Variants in NEBL observed in about 807,000 individuals in gnomAD.
NEBL encodes the protein nebulette.
Under a neutral mutation model 140.2 loss-of-function variants are expected in NEBL, and 122 were observed. The observed-to-expected ratio is 0.87, with a 90% CI of 0.75 to 1.01. The LOEUF (loss-of-function observed/expected upper bound fraction) is 1.01. Among genes scored for constraint, NEBL ranks in the 50% least tolerant of loss-of-function variants. The pLI, the probability that NEBL is intolerant of heterozygous loss-of-function variation, is 0.00. For missense variants in NEBL, 1,365 were observed against 1,231.3 expected (o/e 1.11, Z -1.62); for synonymous variants, 436 against 398.9 (o/e 1.09, Z -1.11).
chr10:21,261,958 T>C (rs1842743873), intron 1 of NEBL, among the ~76,000 whole-genome samples: 1 of 152,126 alleles, frequency 6.6e-6, no homozygotes, highest in Non-Finnish European at 1.5e-5. Flanking sequence ...TCCACACTGT[T>C]CAGTCCAAGA....
At chr10:20,917,884 T>C (rs1833385022) in intron 4 of NEBL, among the ~76,000 whole-genome samples, 1 of 152,206 alleles carries the variant, frequency 6.6e-6, no homozygotes, top group African/African-American at 2.4e-5. Flanking sequence ...GTTTAGGTCA[T>C]TTAATTGTGT....
chr10:21,116,389 C>A (rs147834097), intron 2 of NEBL, among the ~76,000 whole-genome samples: 1 of 152,060 alleles, frequency 6.6e-6, no homozygotes, highest in Non-Finnish European at 1.5e-5. Context: ...TCTTCTTCTT[C>A]TTATAAAGTT....
chr10:21,185,656 C>A (rs886673497), intron 3 of NEBL, among the ~76,000 whole-genome samples: 1 of 151,788 alleles, frequency 6.6e-6, no homozygotes, highest in African/African-American at 2.4e-5. Context: ...GCCACCACAC[C>A]TGGCTAATTT....
chr10:20,883,214 T>C (rs904814921), intron 4 of NEBL, among the ~76,000 whole-genome samples: 1 of 152,210 alleles, frequency 6.6e-6, no homozygotes, highest in Non-Finnish European at 1.5e-5. Flanking sequence ...CATTTTTCTT[T>C]TGATGGCTAT....
intron 10 of NEBL, 90 bp downstream of exon 10, chr10:20,852,455 C>G (rs375770201): frequency 2.4e-6 from 2 of 826,086 alleles, no homozygotes; most frequent in Admixed American, 3.5e-5. Context: ...TGTACTTTCT[C>G]AGTTAAGACG....
chr10:20,894,929 A>C (rs1387523928), intron 2 of NEBL, among the ~76,000 whole-genome samples: 3 of 134,352 alleles, frequency 2.2e-5, no homozygotes, highest in African/African-American at 9.3e-5. Flanking sequence ...ACTCTGTCTA[A>C]AAAAAAAAAA....
chr10:21,124,701 G>T (rs313789), intron 2 of NEBL, among the ~76,000 whole-genome samples: 54,686 of 152,122 alleles, frequency 0.36, 10,579 homozygotes, highest in African/African-American at 0.51. Context: ...AGCTGGAATC[G>T]CAGCACTTTG....
intron 2 of NEBL, among the ~76,000 whole-genome samples, chr10:21,060,825 T>G (rs1282535804): frequency 6.6e-6 from 1 of 152,146 alleles, no homozygotes; most frequent in Non-Finnish European, 1.5e-5. Context: ...CCGTCAATCT[T>G]CAGTTCTCAT....
intron 4 of NEBL, among the ~76,000 whole-genome samples, chr10:20,908,988 T>C (rs931102070): frequency 6.6e-6 from 1 of 152,202 alleles, no homozygotes; most frequent in Non-Finnish European, 1.5e-5. Flanking sequence ...AATTTGTGTT[T>C]GTGGCACTCT....
chr10:21,037,776 C>T (rs568582636), intron 2 of NEBL, among the ~76,000 whole-genome samples: 3 of 151,700 alleles, frequency 2.0e-5, no homozygotes, highest in Non-Finnish European at 2.9e-5. Context: ...AATGAACATT[C>T]AAGATAAATT....
intron 5 of NEBL, among the ~76,000 whole-genome samples, chr10:20,874,242 T>A (rs1304690570): frequency 6.6e-6 from 1 of 152,224 alleles, no homozygotes; most frequent in Non-Finnish European, 1.5e-5. Context: ...CTAGGTTTTT[T>A]AATTTGGAAA....
At chr10:20,935,509 C>A (rs558255618) in intron 4 of NEBL, among the ~76,000 whole-genome samples, 8 of 152,270 alleles carry the variant, frequency 5.3e-5, no homozygotes, top group Admixed American at 1.3e-4. Context: ...ATATTTGCAT[C>A]GCCTGGAAAT....
intron 9 of NEBL, among the ~76,000 whole-genome samples, chr10:20,854,740 T>C (rs1842887269): frequency 6.6e-6 from 1 of 151,636 alleles, no homozygotes; most frequent in East Asian, 2.0e-4. Flanking sequence ...AATTTCTTTA[T>C]TTTTTGTGGA....
chr10:21,292,454 T>C (rs1294157552), intron 1 of NEBL, among the ~76,000 whole-genome samples: 1 of 152,208 alleles, frequency 6.6e-6, no homozygotes, highest in African/African-American at 2.4e-5. Context: ...AGAAAATGTA[T>C]GGCTGGGGTT....
intron 2 of NEBL, among the ~76,000 whole-genome samples, chr10:21,152,295 G>A (rs1454538978): frequency 1.3e-5 from 2 of 152,176 alleles, no homozygotes; most frequent in East Asian, 3.9e-4. Context: ...CCCAAGGACA[G>A]TGACGCCAGT....
chr10:21,282,457 G>C (rs1206354899), intron 1 of NEBL, among the ~76,000 whole-genome samples: 1 of 152,080 alleles, frequency 6.6e-6, no homozygotes, highest in African/African-American at 2.4e-5. Context: ...AGAGCTCCCA[G>C]GAAGGACGAA....
rs1272636002 is a variant in NEBL at position 21,029,915 on chromosome 10, G to T, written c.165-9714C>A. On this transcript the variant is annotated intron_variant, in intron 2 of 6. Coordinates refer to the NEBL transcript ENST00000417816. The stretch of plus-strand genomic sequence containing the variant: ...CGCTATGAAGACCGATACAACAGAT[G>T]GGATGATGGGTCGTGCAGCTCCAGA... 4.9e-6 allele frequency: 3 copies of T among 609,298 alleles called. No individual in the cohort carries two copies. In the Admixed American group the frequency reaches 7.3e-5, roughly 15 times the overall value. 37.7% of individuals were successfully genotyped at this position (609,298 alleles called of 1,614,324 possible). A position where few individuals can be genotyped will look rare whatever the true frequency, so the allele number is the denominator to read the frequency against.
Position 21,072,120 on chromosome 10 carries a change from T to C in NEBL, c.165-51919A>G, listed in dbSNP as rs185993546. On this transcript the variant is annotated intron_variant, in intron 2 of 6. Coordinates refer to the NEBL transcript ENST00000417816. ...GGTATGAGCCACCGTGCCTGGCCCA[T>C]TGGTTTTTTTTTCAGGAGGTTCTGA... Among the ~76,000 whole-genome samples the C allele has an allele frequency of 3.5e-3, 530 of 152,064 alleles. 2 individuals are homozygous for C. Among genetic ancestry groups the C allele is most frequent in the Non-Finnish European group, 5.6e-3 (379 of 67,946 alleles).
At chr10:20,906,981 A>G (rs1284486018) in intron 4 of NEBL, among the ~76,000 whole-genome samples, 1 of 152,116 alleles carries the variant, frequency 6.6e-6, no homozygotes, top group East Asian at 1.9e-4. Flanking sequence ...GTGTATTTGA[A>G]CTTCACAGTT....
Sources: gnomAD v4.1 joint callset for allele counts (sites outside exome capture counted in the v4.1 genomes callset) on GRCh38, gnomAD v4.1.1 for gene constraint, MANE v1.5 for transcripts, NCBI Gene and HGNC (gene_info 2026-07-23, HGNC 2026-07-21) for gene names.